The following THSD7B variants were observed in gnomAD, a reference collection of about 807,000 sequenced individuals.
THSD7B encodes the protein thrombospondin type 1 domain containing 7B.
THSD7B carries 138 observed loss-of-function variants against 213.6 expected under a neutral mutation model. That is an observed-to-expected ratio of 0.65 (90% CI 0.56 to 0.74). THSD7B has a LOEUF of 0.74. THSD7B is among the 30% of genes least tolerant of loss of function. The pLI, the probability that THSD7B is intolerant of heterozygous loss-of-function variation, is 0.00. For synonymous variants in THSD7B, 742 were observed against 687.0 expected, an observed-to-expected ratio of 1.08 and a Z score of -1.25; for missense variants, 1,931 against 1,991.5, an observed-to-expected ratio of 0.97 and a Z score of 0.58.
intron 2 of THSD7B, among the ~76,000 whole-genome samples, chr2:137,004,594 A>G (rs996167531): frequency 3.3e-5 from 5 of 152,200 alleles, no homozygotes; most frequent in Non-Finnish European, 7.3e-5. Flanking sequence ...TTATGGTCCT[A>G]TACCAAACTT....
chr2:137,476,111 A>G (rs1489804381), intron 15 of THSD7B, among the ~76,000 whole-genome samples: 1 of 152,128 alleles, frequency 6.6e-6, no homozygotes, highest in Non-Finnish European at 1.5e-5. Flanking sequence ...GACTTCTTTT[A>G]ATACATGTGT....
At chr2:137,089,273 T>G (rs1687902296) in intron 3 of THSD7B, among the ~76,000 whole-genome samples, 1 of 138,670 alleles carries the variant, frequency 7.2e-6, no homozygotes, top group Non-Finnish European at 1.5e-5. Flanking sequence ...TGTGTGTGTG[T>G]GTATATGTAT....
At chr2:137,614,874 A>G (rs1337134489) in intron 17 of THSD7B, among the ~76,000 whole-genome samples, 1 of 152,212 alleles carries the variant, frequency 6.6e-6, no homozygotes, top group Non-Finnish European at 1.5e-5. Context: ...TTCATAGTCA[A>G]GACTCAGTGT....
intron 1 of THSD7B, among the ~76,000 whole-genome samples, chr2:136,827,542 C>T (rs1352978419): frequency 1.3e-5 from 2 of 152,124 alleles, no homozygotes; most frequent in Non-Finnish European, 2.9e-5. Context: ...AGTGTTGCTG[C>T]AGTTTAGTGA....
At chr2:137,635,696 C>T (rs1573756727) in intron 20 of THSD7B, among the ~76,000 whole-genome samples, 4 of 151,214 alleles carry the variant, frequency 2.6e-5, no homozygotes, top group Non-Finnish European at 1.5e-5. Flanking sequence ...AAGCAGTTAC[C>T]ATATTTAAAA....
At position 136,882,430 on chromosome 2, in the gene THSD7B, T is replaced by G. The variant is rs1052274660; in HGVS notation, c.139+113T>G. ...GTGGGAAATATCCAGAGAGGAAAAATAGACTCTTTTTTTTAAATTCTGCAG... is the reference window on the plus strand; with the variant it reads ...GTGGGAAATATCCAGAGAGGAAAAAGAGACTCTTTTTTTTAAATTCTGCAG... On this transcript the variant is annotated intron_variant, in intron 2 of 27. Transcript: ENST00000409968. 5 of 1,103,970 alleles carry G rather than the reference T, an allele frequency of 4.5e-6. No homozygotes were observed. The African/African-American group carries it at 1.2e-4, about 27-fold the overall frequency. 68.4% of individuals were successfully genotyped at this position (1,103,970 alleles called of 1,614,324 possible).
At chr2:137,392,567 G>A (rs1440161046) in intron 12 of THSD7B, among the ~76,000 whole-genome samples, 1 of 151,850 alleles carries the variant, frequency 6.6e-6, no homozygotes, top group Non-Finnish European at 1.5e-5. Context: ...TAGCTACTCT[G>A]CTCCCTTCTG....
chr2:137,123,491 C>A (rs952078934), intron 5 of THSD7B, among the ~76,000 whole-genome samples: 1 of 152,176 alleles, frequency 6.6e-6, no homozygotes, highest in Non-Finnish European at 1.5e-5. Context: ...TGCCACACAG[C>A]ATTCCCTCAT....
chr2:137,560,980 C>G (rs1681105345), intron 15 of THSD7B, among the ~76,000 whole-genome samples: 1 of 152,090 alleles, frequency 6.6e-6, no homozygotes, highest in Non-Finnish European at 1.5e-5. Flanking sequence ...AAGGATTTGT[C>G]AGCTAGAATG....
intron 15 of THSD7B, among the ~76,000 whole-genome samples, chr2:137,476,206 G>A (rs1432017810): frequency 2.0e-5 from 3 of 151,760 alleles, no homozygotes; most frequent in Non-Finnish European, 2.9e-5. Flanking sequence ...TGTATATACT[G>A]GATATTATTA....
At chr2:137,314,839 C>T (rs976528474) in intron 12 of THSD7B, among the ~76,000 whole-genome samples, 5 of 152,172 alleles carry the variant, frequency 3.3e-5, no homozygotes, top group African/African-American at 1.2e-4. Context: ...GGTCAGGGAC[C>T]CACTTGAGGT....
intron 2 of THSD7B, among the ~76,000 whole-genome samples, chr2:136,992,751 G>A (rs1370676966): frequency 6.6e-6 from 1 of 152,068 alleles, no homozygotes; most frequent in East Asian, 1.9e-4. Context: ...GCACATCTTG[G>A]CAACTCACCT....
intron 2 of THSD7B, among the ~76,000 whole-genome samples, chr2:136,996,007 A>G (rs530119060): frequency 6.6e-6 from 1 of 152,216 alleles, no homozygotes; most frequent in Non-Finnish European, 1.5e-5. Context: ...TTGAGGAATC[A>G]TCTTTACTTT....
At chr2:136,817,989 C>T (rs1398124183) in intron 1 of THSD7B, among the ~76,000 whole-genome samples, 9 of 148,848 alleles carry the variant, frequency 6.0e-5, no homozygotes, top group East Asian at 2.0e-4. Flanking sequence ...ATCAGTGTGG[C>T]GATTCCTCAG....
At chr2:137,120,733 A>G (rs562582876) in intron 5 of THSD7B, among the ~76,000 whole-genome samples, 2 of 152,184 alleles carry the variant, frequency 1.3e-5, no homozygotes. Flanking sequence ...TGTTAACTCC[A>G]TCTTCTTCTT....
chr2:137,387,583 A>G (rs1407093341), intron 12 of THSD7B, among the ~76,000 whole-genome samples: 1 of 152,190 alleles, frequency 6.6e-6, no homozygotes, highest in Non-Finnish European at 1.5e-5. Context: ...AAGTATATAA[A>G]TGTCTTCCCC....
intron 12 of THSD7B, among the ~76,000 whole-genome samples, chr2:137,350,146 C>T (rs1032931119): frequency 6.6e-6 from 1 of 151,666 alleles, no homozygotes; most frequent in Non-Finnish European, 1.5e-5. Context: ...ATCTTTTAAC[C>T]TAATAGTGAA....
intron 12 of THSD7B, among the ~76,000 whole-genome samples, chr2:137,401,419 A>T (rs1335106107): frequency 6.6e-6 from 1 of 152,176 alleles, no homozygotes; most frequent in East Asian, 1.9e-4. Flanking sequence ...AATACACAGT[A>T]ATTAAATTAA....
intron 12 of THSD7B, among the ~76,000 whole-genome samples, chr2:137,312,841 T>C (rs1683955526): frequency 6.6e-6 from 1 of 151,920 alleles, no homozygotes. Context: ...TAATCCTGAG[T>C]TCTAATTTGA....
Sources: allele counts gnomAD v4.1 joint callset (sites outside exome capture counted in the v4.1 genomes callset), GRCh38; gene constraint gnomAD v4.1.1; transcripts MANE v1.5; gene names NCBI Gene and HGNC (gene_info 2026-07-23, HGNC 2026-07-21).